The following PCDHA8 variants were observed in gnomAD, a reference collection of about 807,000 sequenced individuals.
PCDHA8 encodes the protein protocadherin alpha 8.
In PCDHA8, 53 loss-of-function variants were observed where a neutral mutation model predicts 61.8. That is an observed-to-expected ratio of 0.86 (90% CI 0.69 to 1.08). PCDHA8 has a LOEUF of 1.08. Among genes scored for constraint, PCDHA8 ranks in the 50% least tolerant of loss-of-function variants. The pLI is 0.00. For synonymous variants in PCDHA8, 618 were observed against 556.6 expected, an observed-to-expected ratio of 1.11 and a Z score of -1.55; for missense variants, 1,293 against 1,245.0, an observed-to-expected ratio of 1.04 and a Z score of -0.58.
chr5:140,855,941 C>A, intron 1 of PCDHA8: 1 of 1,328,220 alleles, frequency 7.5e-7, no homozygotes, highest in South Asian at 1.4e-5. Flanking sequence ...TCTGAGATCT[C>A]AGCCATTTCG....
chr5:140,897,762 A>C (rs572488219), intron 1 of PCDHA8, among the ~76,000 whole-genome samples: 15 of 152,204 alleles, frequency 9.9e-5, no homozygotes, highest in African/African-American at 2.7e-4. Context: ...AGGAATCGCC[A>C]CACTGACTTC....
intron 1 of PCDHA8, chr5:140,861,780 G>A (rs2047084073): frequency 1.2e-5 from 2 of 161,142 alleles, no homozygotes; most frequent in African/African-American, 2.4e-5. Flanking sequence ...CCAAGAGCAG[G>A]TAAAACCACT....
intron 1 of PCDHA8, chr5:140,867,574 C>T (rs1581813828): frequency 6.6e-6 from 1 of 152,044 alleles, no homozygotes; most frequent in East Asian, 1.9e-4. Context: ...TTCATATGCC[C>T]TTGCAGTATT....
In PCDHA8 at chr5:140,841,918, C is replaced by G. The variant is rs2150325531; in HGVS notation, c.597C>G (p.Ser199=). 2.0e-5 allele frequency: 33 copies of G among 1,613,726 alleles called. No individual in the cohort carries two copies. The highest frequency in any genetic ancestry group is 2.6e-5 in the Non-Finnish European group (31 of 1,179,854). ...TGGTTGAGCTCGTATTAAGAAAATC[C>G]TTGGACAGAGAGGACGCTCCTGCGC... ...NKLVELVLRK[S]LDREDAPAHH... is the part of the protein sequence containing the mutation. The change falls in exon 1 of 4, where the codon TCC becomes TCG. Residue 199 remains serine (S), a synonymous_variant. Coordinates refer to ENST00000531613, the MANE Select transcript of PCDHA8 (RefSeq NM_018911.3).
intron 1 of PCDHA8, among the ~76,000 whole-genome samples, chr5:140,964,114 C>T (rs1227257943): frequency 6.6e-6 from 1 of 151,992 alleles, no homozygotes; most frequent in Non-Finnish European, 1.5e-5. Context: ...TGAGCAATCA[C>T]ATTCTAACAA....
At chr5:140,961,975 C>T (rs1241757389) in intron 1 of PCDHA8, among the ~76,000 whole-genome samples, 1 of 152,034 alleles carries the variant, frequency 6.6e-6, no homozygotes, top group Non-Finnish European at 1.5e-5. Flanking sequence ...CCTCCGCCTC[C>T]TGGGTTCACG....
chr5:140,938,298 A>G (rs549354760), intron 1 of PCDHA8, among the ~76,000 whole-genome samples: 4 of 152,350 alleles, frequency 2.6e-5, no homozygotes, highest in African/African-American at 7.2e-5. Context: ...ATTGCCTATG[A>G]AATTCAGTAT....
chr5:140,989,533 T>A (rs114286041), intron 3 of PCDHA8, among the ~76,000 whole-genome samples: 1 of 152,158 alleles, frequency 6.6e-6, no homozygotes, highest in Non-Finnish European at 1.5e-5. Context: ...AGGAGGAAGA[T>A]AGTTTGTAAT....
At chr5:140,845,439 T>C (rs965524315) in intron 1 of PCDHA8, among the ~76,000 whole-genome samples, 1 of 149,744 alleles carries the variant, frequency 6.7e-6, no homozygotes, top group Non-Finnish European at 1.5e-5. Flanking sequence ...ATTTTAGTTC[T>C]GTTTTTCTTC....
Position 140,841,325 on chromosome 5 carries a change from GA to G in PCDHA8, c.5del (p.Asp2ValfsTer76). On this transcript the variant is annotated frameshift_variant, in exon 1 of 4. Coordinates refer to ENST00000531613, the MANE Select transcript of PCDHA8 (RefSeq NM_018911.3). LOFTEE classifies it high-confidence loss of function. M[D>X]YHWRGELGSW... ...TGATAGGAAACGACTATTTAACATG[GA>G]TTATCACTGGCGAGGAGAGCTGGGA... is the stretch of plus-strand genomic sequence containing the variant. The G allele has an allele frequency of 2.5e-6, 4 of 1,608,154 alleles. No homozygotes were observed. Among genetic ancestry groups the G allele is most frequent in the Non-Finnish European group, 3.4e-6 (4 of 1,176,610 alleles).
At chr5:140,983,457 G>A (rs1354592991) in intron 3 of PCDHA8, among the ~76,000 whole-genome samples, 4 of 152,182 alleles carry the variant, frequency 2.6e-5, no homozygotes, top group Non-Finnish European at 4.4e-5. Flanking sequence ...TCTATTAATA[G>A]AACATCATGA....
chr5:140,927,811 G>A, intron 1 of PCDHA8: 1 of 1,614,186 alleles, frequency 6.2e-7, no homozygotes, highest in Non-Finnish European at 8.5e-7. Context: ...AACGCTCTTG[G>A]AGGCATACAT....
chr5:140,888,945 T>G (rs2062037344), intron 1 of PCDHA8, among the ~76,000 whole-genome samples: 1 of 152,102 alleles, frequency 6.6e-6, no homozygotes, highest in African/African-American at 2.4e-5. Context: ...GAGGTATAAA[T>G]TTTTTCTTTG....
chr5:140,869,439 G>A (rs1554163055), intron 1 of PCDHA8: 1 of 1,614,212 alleles, frequency 6.2e-7, no homozygotes. Flanking sequence ...TCGTGGACAG[G>A]CCGCTGCAGG....
At chr5:140,980,684 G>GA (rs782726576) in intron 2 of PCDHA8, among the ~76,000 whole-genome samples, 3,276 of 145,132 alleles carry the variant, frequency 0.023, 40 homozygotes, top group Middle Eastern at 0.066. Flanking sequence ...TTTTCAAATT[G>GA]AAAAAAAAAA....
At chr5:140,851,863 T>C in intron 1 of PCDHA8, 1 of 976,024 alleles carries the variant, frequency 1.0e-6, no homozygotes, top group Non-Finnish European at 1.2e-6. Flanking sequence ...AGCTCATACA[T>C]AACACAAGGC....
chr5:140,986,737 G>A (rs1183806071), intron 3 of PCDHA8, among the ~76,000 whole-genome samples: 1 of 152,192 alleles, frequency 6.6e-6, no homozygotes, highest in African/African-American at 2.4e-5. Flanking sequence ...CAAGACCCCA[G>A]GGGATCTGGG....
chr5:140,930,196 T>A (rs1554207641), intron 1 of PCDHA8: 3 of 152,226 alleles, frequency 2.0e-5, no homozygotes, highest in African/African-American at 7.2e-5. Context: ...AATTTTTATG[T>A]CAGAAATATT....
intron 1 of PCDHA8, chr5:140,871,020 A>C (rs1554164982): frequency 6.2e-7 from 1 of 1,613,302 alleles, no homozygotes; most frequent in East Asian, 2.2e-5. Context: ...TGGACGAGGC[A>C]GACTCGCCGC....
Sources: allele counts gnomAD v4.1 joint callset (sites outside exome capture counted in the v4.1 genomes callset), GRCh38; gene constraint gnomAD v4.1.1; transcripts MANE v1.5; gene names NCBI Gene and HGNC (gene_info 2026-07-23, HGNC 2026-07-21).